DIAPH3: variants seen among roughly 807,000 people sequenced by gnomAD.
DIAPH3 encodes protein diaphanous homolog 3.
A neutral mutation model predicts 144.3 loss-of-function variants in DIAPH3; 117 were observed. The observed-to-expected ratio is 0.81, with a 90% confidence interval of 0.70 to 0.95. DIAPH3 has a LOEUF of 0.95. Ranked by LOEUF, DIAPH3 falls within the 40% of genes least tolerant of loss-of-function variation. DIAPH3 has a pLI of 0.00. For missense variants in DIAPH3, 1,421 were observed against 1,412.7 expected, an observed-to-expected ratio of 1.01 and a Z score of -0.09; for synonymous variants, 519 against 488.9, an observed-to-expected ratio of 1.06 and a Z score of -0.81.
At chr13:59,882,390 CT>C (rs1486259412) in intron 20 of DIAPH3, among the ~76,000 whole-genome samples, 2 of 152,106 alleles carry the variant, frequency 1.3e-5, no homozygotes, top group East Asian at 3.9e-4. Context: ...GCGCCCAGCC[CT>C]TTTCCTCATT....
intron 27 of DIAPH3, among the ~76,000 whole-genome samples, chr13:59,702,387 A>T (rs2034158434): frequency 6.6e-6 from 1 of 152,210 alleles, no homozygotes; most frequent in Admixed American, 6.5e-5. Flanking sequence ...AGAAATCTGA[A>T]AATGAAGCGT....
chr13:60,068,881 AG>A (rs762928705), intron 4 of DIAPH3, among the ~76,000 whole-genome samples: 2 of 152,132 alleles, frequency 1.3e-5, no homozygotes, highest in Non-Finnish European at 2.9e-5. Context: ...TGCTTTATGC[AG>A]TTCACTGTGG....
chr13:59,974,471 AAAT>A lies in DIAPH3; in HGVS notation c.1546-18_1546-16del. 6.3e-7 allele frequency: 1 copy of A among 1,583,080 alleles called. No homozygotes were observed. Among genetic ancestry groups the A allele is most frequent in the Non-Finnish European group, 8.6e-7 (1 of 1,156,076 alleles). On this transcript the variant is annotated splice_polypyrimidine_tract_variant and intron_variant, in intron 14 of 27. Transcript: ENST00000400324. The stretch of plus-strand genomic sequence containing the variant: ...TCTTTTTCAAACTGAAACAAATTAA[AAAT>A]AATAACAAAAACAGGAAGATGAAAA...
chr13:59,890,466 A>G (rs2045717168), intron 20 of DIAPH3, among the ~76,000 whole-genome samples: 1 of 151,992 alleles, frequency 6.6e-6, no homozygotes, highest in Admixed American at 6.6e-5. Context: ...GTCCAGTTTT[A>G]TCACCGTTAG....
intron 21 of DIAPH3, among the ~76,000 whole-genome samples, chr13:59,877,876 G>A (rs1041196695): frequency 4.0e-5 from 6 of 151,880 alleles, no homozygotes; most frequent in African/African-American, 9.7e-5. Flanking sequence ...TGCTTAGAAC[G>A]CCTTTTCCTC....
At chr13:59,930,594 A>G (rs1794075449) in intron 17 of DIAPH3, among the ~76,000 whole-genome samples, 1 of 152,198 alleles carries the variant, frequency 6.6e-6, no homozygotes, top group Non-Finnish European at 1.5e-5. Context: ...GAAAATATTA[A>G]ACAGAAATAA....
chr13:59,920,181 T>A (rs1364740037), intron 18 of DIAPH3, among the ~76,000 whole-genome samples: 3 of 151,814 alleles, frequency 2.0e-5, no homozygotes, highest in Non-Finnish European at 4.4e-5. Context: ...AACAAAACGG[T>A]AGTTATAAGT....
intron 27 of DIAPH3, among the ~76,000 whole-genome samples, chr13:59,745,101 AT>A (rs1248190258): frequency 6.6e-6 from 1 of 152,188 alleles, no homozygotes; most frequent in South Asian, 2.1e-4. Context: ...GAAAGGAAGA[AT>A]TTAAAAACTT....
intron 5 of DIAPH3, among the ~76,000 whole-genome samples, chr13:60,032,633 G>A (rs1399607532): frequency 6.6e-6 from 1 of 152,224 alleles, no homozygotes; most frequent in African/African-American, 2.4e-5. Flanking sequence ...GAGCAGCAGG[G>A]TCCCAGGCCT....
In DIAPH3 at chr13:59,810,891, T is replaced by G. The variant is rs760796730; in HGVS notation, c.3060A>C (p.Glu1020Asp). The G allele has an allele frequency of 6.2e-7, 1 of 1,601,612 alleles. No homozygotes were observed. The highest frequency in any genetic ancestry group is 1.4e-5 in the African/African-American group (1 of 71,640). Residue 1020 changes from glutamate (E) to aspartate (D), a missense_variant, in exon 25 of 28, where the codon GAA (glutamate) becomes GAC (aspartate). By Grantham distance (45) the Glu-to-Asp change is conservative. Coordinates refer to ENST00000400324, the MANE Select transcript of DIAPH3 (RefSeq NM_001042517.2). ...TGACACGTTTTTCTTTTTCCTCTGC[T>G]TCTCTTTTTTTGATATTCTCCTTTA... ...QAIKENIKKR[E>D]AEEKEKRVRI...
intron 1 of DIAPH3, among the ~76,000 whole-genome samples, chr13:60,145,736 C>T (rs994439945): frequency 6.6e-6 from 1 of 151,866 alleles, no homozygotes; most frequent in African/African-American, 2.4e-5. Context: ...ACATGGTTTG[C>T]TAGGGTGTTT....
intron 9 of DIAPH3, among the ~76,000 whole-genome samples, chr13:60,003,843 G>A (rs2052684763): frequency 6.6e-6 from 1 of 152,062 alleles, no homozygotes; most frequent in South Asian, 2.1e-4. Context: ...GCCTCCCAAA[G>A]TGCTGGGATT....
chr13:59,920,882 TATCA>T (rs2047475045), intron 18 of DIAPH3, among the ~76,000 whole-genome samples: 2 of 151,876 alleles, frequency 1.3e-5, no homozygotes, highest in Non-Finnish European at 2.9e-5. Flanking sequence ...ACTAGAATCA[TATCA>T]AGTATATTTT....
intron 1 of DIAPH3, among the ~76,000 whole-genome samples, chr13:60,162,570 G>C (rs778951884): frequency 6.6e-6 from 1 of 152,038 alleles, no homozygotes; most frequent in African/African-American, 2.4e-5. Flanking sequence ...AATCTATGCT[G>C]TTCCTCATTT....
At chr13:59,764,334 T>G (rs2037766143) in intron 27 of DIAPH3, among the ~76,000 whole-genome samples, 1 of 151,600 alleles carries the variant, frequency 6.6e-6, no homozygotes, top group Non-Finnish European at 1.5e-5. Flanking sequence ...GCTGAACTGC[T>G]CCTTTTCCAG....
chr13:60,138,556 G>A (rs2059347881), intron 1 of DIAPH3, among the ~76,000 whole-genome samples: 1 of 152,234 alleles, frequency 6.6e-6, no homozygotes, highest in Non-Finnish European at 1.5e-5. Context: ...ACTGTTTTAA[G>A]ATAATTCAAC....
chr13:60,108,545 G>T (rs2058482699), intron 3 of DIAPH3, among the ~76,000 whole-genome samples: 1 of 151,940 alleles, frequency 6.6e-6, no homozygotes, highest in South Asian at 2.1e-4. Context: ...GACAGAAGTT[G>T]CAATAAGCCA....
At chr13:60,120,473 A>T (rs1429385480) in intron 2 of DIAPH3, among the ~76,000 whole-genome samples, 1 of 152,236 alleles carries the variant, frequency 6.6e-6, no homozygotes, top group East Asian at 1.9e-4. Flanking sequence ...TTCTTTAGCC[A>T]GAGGCTTCTT....
chr13:60,163,907 CG>C lies in DIAPH3; in HGVS notation c.-142del. ...CACAGCCTAGCCCAACCGCTGAAGT[CG>C]GGGCCGCAGCCAACACATCTGAAAA... On this transcript the variant is annotated 5_prime_UTR_variant, in exon 1 of 28. The change abolishes the stop of an existing upstream ORF in the 5' untranslated region. Transcript: ENST00000400324. 2 of 1,114,222 alleles carry C rather than the reference CG, an allele frequency of 1.8e-6. No individual in the cohort carries two copies. The highest frequency in any genetic ancestry group is 2.5e-6 in the Non-Finnish European group (2 of 805,264). 69.0% of individuals were successfully genotyped at this position (1,114,222 alleles called of 1,614,324 possible). A position where few individuals can be genotyped will look rare whatever the true frequency, so the allele number is the denominator to read the frequency against.
Sources: gnomAD v4.1 joint callset for allele counts (sites outside exome capture counted in the v4.1 genomes callset) on GRCh38, gnomAD v4.1.1 for gene constraint, MANE v1.5 for transcripts, NCBI Gene and HGNC (gene_info 2026-07-23, HGNC 2026-07-21) for gene names.